The following CSMD1 variants were observed in gnomAD, a reference collection of about 807,000 sequenced individuals.
The protein encoded by CSMD1 is CUB and Sushi multiple domains 1.
Under a neutral mutation model 417.5 loss-of-function variants are expected in CSMD1, and 213 were observed. That is an observed-to-expected ratio of 0.51 (90% CI 0.46 to 0.57). The LOEUF is 0.57. Ranked by LOEUF, CSMD1 falls within the 20% of genes least tolerant of loss-of-function variation. CSMD1 has a pLI of 0.00. For synonymous variants in CSMD1, 2,862 were observed against 1,736.8 expected (o/e 1.65, Z -16.11); for missense variants, 6,923 against 4,529.7 (o/e 1.53, Z -15.17).
chr8:3,366,930 G>T, intron 20 of CSMD1, 102 bp downstream of exon 20: 1 of 915,202 alleles, frequency 1.1e-6, no homozygotes. Flanking sequence ...AACACACACG[G>T]ATGCACACAT....
intron 11 of CSMD1, among the ~76,000 whole-genome samples, chr8:3,492,934 G>T (rs1165150203): frequency 3.3e-5 from 5 of 152,070 alleles, no homozygotes. Flanking sequence ...AGACTAGAAA[G>T]CATCTGTACC....
Position 4,404,385 on chromosome 8 carries a change from G to A in CSMD1, c.415+15568C>T, listed in dbSNP as rs79556828. On this transcript the variant is annotated intron_variant, in intron 3 of 69. Transcript: ENST00000635120. ...ATTTTGTGCTGTTTTGTTCAACGCT[G>A]TATATGTAATCTCTAGAAATTGTTT... Among the ~76,000 whole-genome samples, 505 of 152,228 alleles carry A rather than the reference G, an allele frequency of 3.3e-3. 20 individuals are homozygous for A. The East Asian group carries it at 0.086, about 26-fold the overall frequency.
intron 1 of CSMD1, among the ~76,000 whole-genome samples, chr8:4,913,956 G>A (rs913535318): frequency 6.6e-6 from 1 of 152,152 alleles, no homozygotes; most frequent in Non-Finnish European, 1.5e-5. Flanking sequence ...CTAATTAATT[G>A]TAGCCAATTA....
chr8:3,821,391 A>G (rs964443679), intron 5 of CSMD1, among the ~76,000 whole-genome samples: 1 of 152,206 alleles, frequency 6.6e-6, no homozygotes, highest in Non-Finnish European at 1.5e-5. Context: ...ATATGGCACC[A>G]TCACCACACA....
chr8:3,974,081 G>A lies in CSMD1; in HGVS notation c.818+23822C>T, dbSNP rs191554370. Among the ~76,000 whole-genome samples, 1,018 of 151,822 alleles carry A rather than the reference G, an allele frequency of 6.7e-3. 11 individuals are homozygous for A. The highest frequency in any genetic ancestry group is 0.024 in the African/African-American group (971 of 41,212). ...CTCCTCGTTGTGCTCTGAAATGGTA[G>A]GTCTTATTTATTATTTCTAATTACT... is the stretch of plus-strand genomic sequence containing the variant. On this transcript the variant is annotated intron_variant, in intron 5 of 69. Coordinates refer to ENST00000635120, the MANE Select transcript of CSMD1 (RefSeq NM_033225.6).
At chr8:4,050,011 T>C (rs947407813) in intron 3 of CSMD1, among the ~76,000 whole-genome samples, 1 of 152,188 alleles carries the variant, frequency 6.6e-6, no homozygotes, top group African/African-American at 2.4e-5. Context: ...AGGGCCTTGA[T>C]GGTTTTCAGA....
intron 10 of CSMD1, among the ~76,000 whole-genome samples, chr8:3,573,099 T>C (rs189367726): frequency 5.9e-5 from 9 of 152,334 alleles, no homozygotes; most frequent in Non-Finnish European, 1.2e-4. Context: ...ATAAGTGTTT[T>C]TTTCTATTTA....
At chr8:3,467,011 C>T (rs1337324339) in intron 12 of CSMD1, among the ~76,000 whole-genome samples, 1 of 152,118 alleles carries the variant, frequency 6.6e-6, no homozygotes, top group East Asian at 1.9e-4. Context: ...AATTGGCCAT[C>T]TCTCAAGGAC....
At chr8:4,794,776 G>A (rs73179662) in intron 1 of CSMD1, among the ~76,000 whole-genome samples, 5,152 of 152,166 alleles carry the variant, frequency 0.034, 126 homozygotes, top group Non-Finnish European at 0.049. Flanking sequence ...GCCCAAATTC[G>A]GGGACTCTGA....
intron 1 of CSMD1, among the ~76,000 whole-genome samples, chr8:4,805,429 C>T (rs1256869216): frequency 2.0e-5 from 3 of 152,094 alleles, no homozygotes; most frequent in African/African-American, 7.2e-5. Context: ...CGAGTCCTTG[C>T]CTACTACAGC....
intron 1 of CSMD1, among the ~76,000 whole-genome samples, chr8:4,796,106 G>A (rs556789983): frequency 1.3e-5 from 2 of 152,212 alleles, no homozygotes; most frequent in Admixed American, 1.3e-4. Context: ...TCCACAAGGA[G>A]TTTACTGTCT....
At chr8:3,671,849 C>T (rs911904135) in intron 7 of CSMD1, among the ~76,000 whole-genome samples, 1 of 152,016 alleles carries the variant, frequency 6.6e-6, no homozygotes, top group Admixed American at 6.6e-5. Context: ...AGCAGGCCCA[C>T]TCACCTGTCA....
chr8:4,967,385 C>A (rs1195887053), intron 1 of CSMD1, among the ~76,000 whole-genome samples: 3 of 152,058 alleles, frequency 2.0e-5, no homozygotes, highest in African/African-American at 7.2e-5. Context: ...ATGATAAAGC[C>A]ATTTTGCCTA....
chr8:3,271,965 T>C (rs908951739), intron 26 of CSMD1, among the ~76,000 whole-genome samples: 2 of 152,262 alleles, frequency 1.3e-5, no homozygotes, highest in Admixed American at 6.5e-5. Context: ...TTGGCTTTTG[T>C]TGCCTTTGCT....
chr8:3,626,222 C>T (rs945805696), intron 7 of CSMD1, among the ~76,000 whole-genome samples: 4 of 152,112 alleles, frequency 2.6e-5, no homozygotes, highest in Non-Finnish European at 5.9e-5. Context: ...GGGAGAGCAC[C>T]GGCTTAGCTG....
intron 6 of CSMD1, among the ~76,000 whole-genome samples, chr8:3,714,191 G>A (rs115617373): frequency 0.027 from 4,031 of 149,848 alleles, 170 homozygotes; most frequent in African/African-American, 0.093. Context: ...TATATAATAA[G>A]CTCCATATAT....
chr8:4,555,146 C>T (rs146597666), intron 2 of CSMD1, among the ~76,000 whole-genome samples: 2 of 152,284 alleles, frequency 1.3e-5, no homozygotes, highest in African/African-American at 4.8e-5. Context: ...GAAATATGAT[C>T]ACTTTTACAT....
intron 34 of CSMD1, among the ~76,000 whole-genome samples, chr8:3,189,607 C>G (rs908963785): frequency 6.6e-6 from 1 of 152,200 alleles, no homozygotes; most frequent in Non-Finnish European, 1.5e-5. Flanking sequence ...AGCAAATCAA[C>G]ATGATAATGG....
intron 27 of CSMD1, among the ~76,000 whole-genome samples, chr8:3,227,174 G>A (rs527489775): frequency 1.3e-5 from 2 of 152,256 alleles, no homozygotes; most frequent in South Asian, 4.1e-4. Flanking sequence ...TCTGAGGCAG[G>A]CAGATCATGA....
Sources: gnomAD v4.1 joint callset for allele counts (sites outside exome capture counted in the v4.1 genomes callset) on GRCh38, gnomAD v4.1.1 for gene constraint, MANE v1.5 for transcripts, NCBI Gene and HGNC (gene_info 2026-07-23, HGNC 2026-07-21) for gene names.